NEMF: variants seen among roughly 807,000 people sequenced by gnomAD.
NEMF encodes the protein ribosome quality control complex subunit NEMF.
In NEMF, 89 loss-of-function variants were observed where a neutral mutation model predicts 162.2. That is an observed-to-expected ratio of 0.55 (90% CI 0.46 to 0.65). NEMF has a LOEUF of 0.65. Among genes scored for constraint, NEMF ranks in the 30% least tolerant of loss-of-function variants. The probability of loss-of-function intolerance (pLI) is 0.00; values close to 1 mark genes in which losing one functional copy is unlikely to be tolerated. For missense variants in NEMF, 1,133 were observed against 1,261.9 expected (o/e 0.90, Z 1.55); for synonymous variants, 421 against 404.5 (o/e 1.04, Z -0.49).
In NEMF at chr14:49,844,613, C is replaced by T. The variant is rs1186565472; in HGVS notation, c.357+1527G>A. ...TACTGTAGACTTGATAAATACTGCA[C>T]ACTTGGGCTACACTAAATTTGTTTT... is the stretch of plus-strand genomic sequence containing the variant. On this transcript the variant is annotated intron_variant, in intron 4 of 32. Transcript: ENST00000298310. 5.3e-5 allele frequency among the ~76,000 whole-genome samples: 8 copies of T among 152,174 alleles called. No homozygotes were observed. The East Asian group carries it at 1.5e-3, about 29-fold the overall frequency.
chr14:49,790,370 TA>T (rs980221134), intron 26 of NEMF, among the ~76,000 whole-genome samples: 12 of 152,072 alleles, frequency 7.9e-5, no homozygotes, highest in African/African-American at 2.9e-4. Context: ...AACCAATTTT[TA>T]AAATAGGCAC....
intron 4 of NEMF, 55 bp downstream of exon 4, chr14:49,846,085 T>C (rs1893486087): frequency 1.3e-6 from 2 of 1,536,952 alleles, no homozygotes; most frequent in African/African-American, 1.4e-5. Context: ...ATAGCACTAT[T>C]ACAAAATGAT....
At position 49,851,989 on chromosome 14, in the gene NEMF, T is replaced by A. The variant is rs185267511; in HGVS notation, c.60-114A>T. ...GATCTCAGTCTCTAAGGATATGGAG[T>A]CAGCCGAGGAGCAGAGTCTGAAAGC... On this transcript the variant is annotated intron_variant, in intron 1 of 32. Coordinates refer to ENST00000298310, the MANE Select transcript of NEMF (RefSeq NM_004713.6). 8.4e-4 allele frequency: 543 copies of A among 642,646 alleles called. 2 individuals are homozygous for A. The highest frequency in any genetic ancestry group is 4.2e-3 in the Middle Eastern group (10 of 2,364). 39.8% of individuals were successfully genotyped at this position (642,646 alleles called of 1,614,324 possible).
At chr14:49,835,027 C>T (rs1892828682) in intron 6 of NEMF, among the ~76,000 whole-genome samples, 1 of 152,060 alleles carries the variant, frequency 6.6e-6, no homozygotes, top group Admixed American at 6.6e-5. Context: ...GGAGAAACCC[C>T]ATCTCTACTA....
chr14:49,833,605 G>C, intron 7 of NEMF, 109 bp from the exon 8 acceptor site: 1 of 598,778 alleles, frequency 1.7e-6, no homozygotes, highest in Non-Finnish European at 2.9e-6. Flanking sequence ...ATAATGTTGC[G>C]TTCAAGAAAA....
At chr14:49,852,003 G>C in intron 1 of NEMF, 128 bp from the exon 2 acceptor site, 1 of 597,814 alleles carries the variant, frequency 1.7e-6, no homozygotes, top group Non-Finnish European at 2.9e-6. Context: ...CCGAGGAGCA[G>C]AGTCTGAAAG....
At chr14:49,835,858 T>A (rs759734444) in intron 6 of NEMF, among the ~76,000 whole-genome samples, 1 of 152,198 alleles carries the variant, frequency 6.6e-6, no homozygotes, top group Non-Finnish European at 1.5e-5. Flanking sequence ...TGTATTTCTA[T>A]GCAAAAATGA....
chr14:49,790,933 C>T (rs1231177547), intron 26 of NEMF, among the ~76,000 whole-genome samples: 4 of 152,068 alleles, frequency 2.6e-5, no homozygotes, highest in South Asian at 2.1e-4. Flanking sequence ...ACAGAGGTTG[C>T]GGTGAGCCGA....
rs548004895 is a variant in NEMF, at chr14:49,789,912, G to A, written c.2620-339C>T. On this transcript the variant is annotated intron_variant, in intron 26 of 32. Transcript: ENST00000298310. ...AAGTCATCACATTTGGTTTGGGTCA[G>A]GGTACACATGGAGGAAGAACAGGAA... is the stretch of plus-strand genomic sequence containing the variant. 2.0e-5 allele frequency among the ~76,000 whole-genome samples: 3 copies of A among 152,308 alleles called. No homozygotes were observed. The East Asian group carries it at 5.8e-4, about 29-fold the overall frequency.
intron 16 of NEMF, chr14:49,820,547 T>A (rs1891955058): frequency 2.2e-6 from 1 of 454,880 alleles, no homozygotes. Context: ...GGAGGGTGGA[T>A]CACTTGAGGT....
chr14:49,852,553 C>A (rs1277027116), intron 1 of NEMF, 142 bp downstream of exon 1: 5 of 842,208 alleles, frequency 5.9e-6, no homozygotes, highest in Non-Finnish European at 9.6e-6. Context: ...AGACACCACA[C>A]GCCTGCCCAC....
In NEMF at chr14:49,799,534, C is replaced by T; in HGVS notation, c.2416-10G>A. The stretch of plus-strand genomic sequence containing the variant: ...GTGATTTACTGTCACTCTATTAAAA[C>T]AAAAAAACAGGCAAATGCAAATATC... On this transcript the variant is annotated splice_polypyrimidine_tract_variant and intron_variant, in intron 24 of 32. Coordinates refer to ENST00000298310, the MANE Select transcript of NEMF (RefSeq NM_004713.6). 1 of 1,608,154 alleles carries T rather than the reference C, an allele frequency of 6.2e-7. No individual in the cohort carries two copies. Among genetic ancestry groups the T allele is most frequent in the Non-Finnish European group, 8.5e-7 (1 of 1,178,454 alleles).
rs1594741393 is a variant in NEMF at position 49,799,650 on chromosome 14, C to G, written c.2401G>C (p.Glu801Gln). The G allele has an allele frequency of 2.5e-6, 4 of 1,612,124 alleles. No homozygotes were observed. The East Asian group carries it at 8.9e-5, about 36-fold the overall frequency. Residue 801 changes from glutamate to glutamine, a missense_variant, in exon 24 of 33, where the codon GAA becomes CAA. Transcript: ENST00000298310. ...AAATAGCTTACAGAATTAGAAGATTCCTCTTTTGAAGCCAATTTCTGGATG... is the reference window on the plus strand; with the variant it reads ...AAATAGCTTACAGAATTAGAAGATTGCTCTTTTGAAGCCAATTTCTGGATG... The part of the protein sequence containing the change: ...RSIQKLASKE[E>Q]SSNSSDSKSQ...
chr14:49,789,430 C>G, intron 27 of NEMF, 66 bp downstream of exon 27: 1 of 1,608,798 alleles, frequency 6.2e-7, no homozygotes, highest in Non-Finnish European at 8.5e-7. Flanking sequence ...GCCTGTCATA[C>G]GCTAGGCAGT....
In NEMF at chr14:49,782,561, T is replaced by TAATA; in HGVS notation, c.*2071_*2074dup. ...TTTCAGGCACACAGTAATGAAATACTAATATTTTCAGTTCAACCAAAATCT... is the reference window on the plus strand; with the variant it reads ...TTTCAGGCACACAGTAATGAAATACTAATAAATATTTTCAGTTCAACCAAAATCT... On this transcript the variant is annotated 3_prime_UTR_variant, in exon 33 of 33. Coordinates refer to ENST00000298310, the MANE Select transcript of NEMF (RefSeq NM_004713.6). 4 of 1,607,254 alleles carry TAATA rather than the reference T, an allele frequency of 2.5e-6. No homozygotes were observed. The highest frequency in any genetic ancestry group is 2.2e-5 in the South Asian group (2 of 90,198).
chr14:49,785,278 C>A lies in NEMF; in HGVS notation c.2971G>T (p.Asp991Tyr). The A allele has an allele frequency of 6.2e-7, 1 of 1,613,994 alleles. No homozygotes were observed. The highest frequency in any genetic ancestry group is 8.5e-7 in the Non-Finnish European group (1 of 1,179,916). Residue 991 changes from aspartate (D) to tyrosine (Y), a missense_variant, in exon 30 of 33, where the codon GAT (aspartate) becomes TAT (tyrosine). Physicochemically the swap from Asp to Tyr is radical, Grantham distance 160. Transcript: ENST00000298310. ...DSLTGQPHPE[D>Y]VLLFAIPICA... The stretch of plus-strand genomic sequence containing the variant: ...ATTGGAATGGCAAACAGTAGTACAT[C>A]TTCAGGATGTGGCTGGCCTGTCAAA...
chr14:49,838,396 G>A (rs1299111204), intron 5 of NEMF, among the ~76,000 whole-genome samples, 190 bp from the exon 6 acceptor site: 1 of 152,118 alleles, frequency 6.6e-6, no homozygotes, highest in Non-Finnish European at 1.5e-5. Flanking sequence ...ACAGGTTCTT[G>A]AATGGCAGTT....
At chr14:49,790,129 A>G (rs1890371616) in intron 26 of NEMF, among the ~76,000 whole-genome samples, 1 of 152,210 alleles carries the variant, frequency 6.6e-6, no homozygotes. Context: ...CTGAAATAAC[A>G]CATTTTGAAA....
At chr14:49,838,097 C>T in intron 6 of NEMF, 42 bp downstream of exon 6, 1 of 1,468,584 alleles carries the variant, frequency 6.8e-7, no homozygotes, top group East Asian at 2.3e-5. Flanking sequence ...GAAAACCACA[C>T]TGCCTTGCAA....
Sources: gnomAD v4.1 joint callset for allele counts (sites outside exome capture counted in the v4.1 genomes callset) on GRCh38, gnomAD v4.1.1 for gene constraint, MANE v1.5 for transcripts, NCBI Gene and HGNC (gene_info 2026-07-23, HGNC 2026-07-21) for gene names.